CLASP2: variants seen among roughly 807,000 people sequenced by gnomAD.
CLASP2 encodes the protein CLIP-associating protein 2.
CLASP2 carries 47 observed loss-of-function variants against 194.4 expected under a neutral mutation model. That is an observed-to-expected ratio of 0.24 (90% CI 0.19 to 0.31). CLASP2 has a LOEUF of 0.31. Ranked by LOEUF, CLASP2 falls within the 10% of genes least tolerant of loss-of-function variation. CLASP2 has a pLI of 1.00. For missense variants in CLASP2, 1,445 were observed against 1,823.6 expected, an observed-to-expected ratio of 0.79 and a Z score of 3.78; for synonymous variants, 619 against 633.5, an observed-to-expected ratio of 0.98 and a Z score of 0.34.
chr3:33,570,993 T>C (rs962940940), intron 25 of CLASP2, among the ~76,000 whole-genome samples: 12 of 149,142 alleles, frequency 8.0e-5, no homozygotes, highest in Non-Finnish European at 1.5e-4. Context: ...ATGGGCAAGA[T>C]GGCAAGATCC....
intron 9 of CLASP2, among the ~76,000 whole-genome samples, chr3:33,631,617 A>G (rs2079097150): frequency 6.6e-6 from 1 of 152,054 alleles, no homozygotes; most frequent in African/African-American, 2.4e-5. Context: ...GAATCACTTT[A>G]ACCCAGAAGG....
chr3:33,684,910 G>A (rs1374400018), intron 5 of CLASP2, among the ~76,000 whole-genome samples: 1 of 152,048 alleles, frequency 6.6e-6, no homozygotes, highest in African/African-American at 2.4e-5. Context: ...GCTGAGGCAG[G>A]GGAATTGCTT....
chr3:33,544,648 T>G, intron 31 of CLASP2, 50 bp downstream of exon 31: 1 of 1,519,658 alleles, frequency 6.6e-7, no homozygotes, highest in Non-Finnish European at 8.9e-7. Context: ...CAATTATTAT[T>G]AAATCAACCA....
In CLASP2 at chr3:33,677,209, T is replaced by A. The variant is rs1390850675; in HGVS notation, c.644+7150A>T. ...CCCAGCCATCCCATTACTGGGTATA[T>A]ACCCAAAGGACTATAAATCATGCTG... On this transcript the variant is annotated intron_variant, in intron 6 of 38. Coordinates refer to ENST00000682230, the MANE Select transcript of CLASP2 (RefSeq NM_001365631.1). Among the ~76,000 whole-genome samples the A allele has an allele frequency of 9.9e-5, 15 of 152,266 alleles. No individual in the cohort carries two copies. The East Asian group carries it at 2.9e-3, about 29-fold the overall frequency.
At chr3:33,555,849 G>A (rs955915431) in intron 29 of CLASP2, among the ~76,000 whole-genome samples, 28 of 152,068 alleles carry the variant, frequency 1.8e-4, no homozygotes, top group African/African-American at 6.5e-4. Context: ...GCAATTTATC[G>A]TCATGCAAAA....
chr3:33,574,915 A>C (rs1170411667), intron 24 of CLASP2, among the ~76,000 whole-genome samples: 1 of 152,148 alleles, frequency 6.6e-6, no homozygotes, highest in Non-Finnish European at 1.5e-5. Flanking sequence ...GATTACTGGG[A>C]GTCAAACTTT....
intron 30 of CLASP2, 96 bp from the exon 31 acceptor site, chr3:33,544,937 G>T (rs1032277547): frequency 3.7e-6 from 3 of 803,892 alleles, no homozygotes; most frequent in Non-Finnish European, 5.3e-6. Flanking sequence ...CACGAAGCTT[G>T]ACCATCTTTC....
intron 34 of CLASP2, among the ~76,000 whole-genome samples, chr3:33,531,697 C>T (rs753191597): frequency 3.3e-5 from 5 of 152,132 alleles, no homozygotes; most frequent in Non-Finnish European, 7.4e-5. Context: ...ATTGTTTGAA[C>T]CTGGGAGGTG....
chr3:33,510,766 T>A lies in CLASP2; in HGVS notation c.4111-2A>T. ...CGCTTCCTCAGCAGATCTCACCACC[T>A]AAAAAAAATAGGAAATTAAGCCAGA... On this transcript the variant is annotated splice_acceptor_variant, in intron 36 of 38. Coordinates refer to ENST00000682230, the MANE Select transcript of CLASP2 (RefSeq NM_001365631.1). LOFTEE classifies it high-confidence loss of function. 1 of 1,594,108 alleles carries A rather than the reference T, an allele frequency of 6.3e-7. No homozygotes were observed. Among genetic ancestry groups the A allele is most frequent in the Non-Finnish European group, 8.5e-7 (1 of 1,169,774 alleles).
chr3:33,503,124 A>G (rs762076761), intron 37 of CLASP2: 1 of 152,202 alleles, frequency 6.6e-6, no homozygotes. Context: ...GTCCAAAAAG[A>G]CACGCACTGT....
rs2072589448 is a variant in CLASP2, at chr3:33,602,632, T to C, written c.1924+320A>G. 5.5e-6 allele frequency: 4 copies of C among 731,752 alleles called. No individual in the cohort carries two copies. The East Asian group carries it at 1.0e-4, about 18-fold the overall frequency. 45.3% of individuals were successfully genotyped at this position (731,752 alleles called of 1,614,324 possible). A position where few individuals can be genotyped will look rare whatever the true frequency, so the allele number is the denominator to read the frequency against. On this transcript the variant is annotated intron_variant, in intron 18 of 38. Transcript: ENST00000682230. ...AGTAGGAGAAAGAAAACAGGAAAGT[T>C]AGATACAAGCCAATTCCCTTCCCAA...
chr3:33,618,552 C>T (rs1399849248), intron 12 of CLASP2, among the ~76,000 whole-genome samples: 1 of 151,838 alleles, frequency 6.6e-6, no homozygotes, highest in Non-Finnish European at 1.5e-5. Flanking sequence ...GAGGCTGAGG[C>T]GGGAAAATAG....
At chr3:33,593,421 G>A (rs865804029) in intron 20 of CLASP2, among the ~76,000 whole-genome samples, 1 of 152,072 alleles carries the variant, frequency 6.6e-6, no homozygotes, top group Admixed American at 6.6e-5. Flanking sequence ...GGGTATACAT[G>A]AAATACTGGC....
chr3:33,651,281 G>C (rs1395537306), intron 7 of CLASP2, among the ~76,000 whole-genome samples: 2 of 151,774 alleles, frequency 1.3e-5, no homozygotes, highest in Non-Finnish European at 2.9e-5. Context: ...TACTTGAGAG[G>C]CTGAGGCAGG....
At chr3:33,710,105 T>C (rs2092926487) in intron 1 of CLASP2, among the ~76,000 whole-genome samples, 1 of 152,206 alleles carries the variant, frequency 6.6e-6, no homozygotes, top group African/African-American at 2.4e-5. Flanking sequence ...TGTCTACCTT[T>C]ACGTATGTTC....
At chr3:33,643,691 C>T (rs1001049115) in intron 8 of CLASP2, among the ~76,000 whole-genome samples, 8 of 151,726 alleles carry the variant, frequency 5.3e-5, no homozygotes, top group Non-Finnish European at 8.8e-5. Context: ...CACAGAAGAT[C>T]GTTTAAATGA....
chr3:33,663,518 G>A lies in CLASP2; in HGVS notation c.645-3C>T. ...ATTTGGCAAATATCATTTCTAATCT[G>A]GGAATAAAGAATAAATTGGGTTTGT... On this transcript the variant is annotated splice_region_variant and splice_polypyrimidine_tract_variant and intron_variant, in intron 6 of 38. Transcript: ENST00000682230. 1 of 1,600,908 alleles carries A rather than the reference G, an allele frequency of 6.2e-7. No individual in the cohort carries two copies. The highest frequency in any genetic ancestry group is 8.6e-7 in the Non-Finnish European group (1 of 1,169,260).
chr3:33,555,023 T>G (rs1156709545), intron 29 of CLASP2, among the ~76,000 whole-genome samples: 1 of 152,172 alleles, frequency 6.6e-6, no homozygotes, highest in Non-Finnish European at 1.5e-5. Context: ...TCATGGTGAC[T>G]ACAGTTAAGA....
intron 18 of CLASP2, among the ~76,000 whole-genome samples, chr3:33,600,088 T>TGTG (rs921670581): frequency 6.6e-6 from 1 of 151,044 alleles, no homozygotes; most frequent in African/African-American, 2.4e-5. Context: ...TATATTTTTT[T>TGTG]TGTGTGTGTG....
Sources: allele counts gnomAD v4.1 joint callset (sites outside exome capture counted in the v4.1 genomes callset), GRCh38; gene constraint gnomAD v4.1.1; transcripts MANE v1.5; gene names NCBI Gene and HGNC (gene_info 2026-07-23, HGNC 2026-07-21).